Variants in GNL3L observed in about 807,000 individuals in gnomAD.
The protein encoded by GNL3L is G protein nucleolar 3 like, also known as guanine nucleotide-binding protein-like 3-like protein.
In GNL3L, 4 loss-of-function variants were observed where a neutral mutation model predicts 42.9. The observed-to-expected ratio is 0.09, with a 90% CI of 0.05 to 0.21. The LOEUF is 0.21. Ranked by LOEUF, GNL3L falls within the 10% of genes least tolerant of loss-of-function variation. The pLI is 1.00. For synonymous variants in GNL3L, 159 were observed against 176.3 expected (o/e 0.90, Z 0.78); for missense variants, 412 against 481.7 (o/e 0.86, Z 1.36).
At chrX:54,541,709 G>A (rs1263415411) in intron 5 of GNL3L, among the ~76,000 whole-genome samples, 1 of 110,677 alleles carries the variant, frequency 9.0e-6, no homozygotes, top group Non-Finnish European at 1.9e-5. Flanking sequence ...GAGAGGGAGC[G>A]AAAGTATGAG....
At chrX:54,576,601 G>A (rs1408095472) in intron 16 of GNL3L, among the ~76,000 whole-genome samples, 1 of 110,267 alleles carries the variant, frequency 9.1e-6, no homozygotes, top group African/African-American at 3.3e-5. Context: ...TGAGTAGATG[G>A]GATTTCAGGC....
intron 16 of GNL3L, among the ~76,000 whole-genome samples, chrX:54,583,239 C>T (rs996380796): frequency 9.0e-6 from 1 of 110,709 alleles, no homozygotes; most frequent in Non-Finnish European, 1.9e-5. Flanking sequence ...GTTGCCTAAG[C>T]GGGAGTGCAA....
At chrX:54,545,744 A>G (rs1924753823) in intron 8 of GNL3L, among the ~76,000 whole-genome samples, 1 of 112,343 alleles carries the variant, frequency 8.9e-6, no homozygotes, top group Admixed American at 9.5e-5. Flanking sequence ...TTAACTACAG[A>G]TAAAGCTTAA....
At position 54,563,384 on chromosome X, in the gene GNL3L, T is replaced by TGGGAG. The variant is rs763264224; in HGVS notation, c.*2784_*2788dup. On this transcript the variant is annotated 3_prime_UTR_variant, in exon 16 of 16. Coordinates refer to ENST00000360845, the MANE Select transcript of GNL3L (RefSeq NM_001184819.2). ...GACCCCATCGGTAATGGAGAAGTGCTGGGAGGTAAATATTAGAAATGGAAG... is the reference window on the plus strand; with the variant it reads ...GACCCCATCGGTAATGGAGAAGTGCTGGGAGGGGAGGTAAATATTAGAAATGGAAG... Among the ~76,000 whole-genome samples, 10 of 111,153 alleles carry TGGGAG rather than the reference T, an allele frequency of 9.0e-5. No homozygotes were observed. Among genetic ancestry groups the TGGGAG allele is most frequent in the Non-Finnish European group, 1.7e-4 (9 of 53,121 alleles).
the GNL3L span, among the ~76,000 whole-genome samples, chrX:54,627,384 G>A: frequency 1.2e-3 from 129 of 109,823 alleles, 1 homozygote; most frequent in African/African-American, 4.0e-3. Context: ...TATTTATTTG[G>A]GTCTTCTCTC....
chrX:54,573,458 T>C (rs955470335), intron 16 of GNL3L, among the ~76,000 whole-genome samples: 1 of 111,303 alleles, frequency 9.0e-6, no homozygotes, highest in African/African-American at 3.3e-5. Context: ...ATGGCAGCAG[T>C]ATAGTCCAGC....
chrX:54,619,898 A>G (rs1385614865), intron 16 of GNL3L, among the ~76,000 whole-genome samples: 2 of 111,850 alleles, frequency 1.8e-5, no homozygotes, highest in Non-Finnish European at 3.8e-5. Context: ...GCTGTTCACT[A>G]GCAGAAACAT....
intron 16 of GNL3L, among the ~76,000 whole-genome samples, chrX:54,612,198 G>A (rs1427081566): frequency 8.9e-6 from 1 of 112,020 alleles, no homozygotes; most frequent in East Asian, 2.8e-4. Flanking sequence ...TCTTCTAGCT[G>A]CTGTTGCTTT....
At chrX:54,607,456 T>C (rs1926112171) in intron 16 of GNL3L, among the ~76,000 whole-genome samples, 1 of 107,801 alleles carries the variant, frequency 9.3e-6, no homozygotes, top group Non-Finnish European at 1.9e-5. Context: ...TAAAAAGGAC[T>C]CAGAATGCCT....
At chrX:54,543,444 T>A (rs1414049697) in intron 7 of GNL3L, 102 bp downstream of exon 7, 2 of 838,275 alleles carry the variant, frequency 2.4e-6, no homozygotes, top group Non-Finnish European at 3.4e-6. Context: ...GTGATACTCA[T>A]AATAGTCATG....
intron 16 of GNL3L, among the ~76,000 whole-genome samples, chrX:54,607,000 CTTTCTTTCTTTCTTTCTTTCTTTCTTT>C (rs1926073441): frequency 8.4e-5 from 2 of 23,774 alleles, no homozygotes; most frequent in Non-Finnish European, 1.7e-4. Flanking sequence ...CCTTTCCTTT[CTTTCTTTCTTTCTTTCTTTCTTTCTTT>C]CTTTCTTTCT....
intron 16 of GNL3L, among the ~76,000 whole-genome samples, chrX:54,606,992 T>TTTCCTTCC (rs1202124165): frequency 2.8e-4 from 18 of 64,938 alleles, no homozygotes; most frequent in Non-Finnish European, 3.3e-4. Flanking sequence ...TTTCCTTTCC[T>TTTCCTTCC]TTCCTTTCTT....
At chrX:54,535,149 C>T (rs982793127) in intron 2 of GNL3L, among the ~76,000 whole-genome samples, 1 of 111,960 alleles carries the variant, frequency 8.9e-6, no homozygotes, top group African/African-American at 3.2e-5. Flanking sequence ...GATGCAGTCT[C>T]GCCCTGTCAC....
chrX:54,531,404 C>T (rs1470528648), intron 1 of GNL3L, among the ~76,000 whole-genome samples: 1 of 111,224 alleles, frequency 9.0e-6, no homozygotes, highest in East Asian at 2.8e-4. Context: ...CCCCTTTACC[C>T]AAGGTAGTGG....
chrX:54,611,610 G>C (rs1926162159), intron 16 of GNL3L, among the ~76,000 whole-genome samples: 1 of 111,955 alleles, frequency 8.9e-6, no homozygotes, highest in African/African-American at 3.2e-5. Flanking sequence ...TTGACCCAAT[G>C]CTCATTCAGG....
intron 16 of GNL3L, among the ~76,000 whole-genome samples, chrX:54,572,523 C>T (rs1601998431): frequency 8.9e-6 from 1 of 111,998 alleles, no homozygotes; most frequent in Non-Finnish European, 1.9e-5. Flanking sequence ...CTGTTGGGCA[C>T]ACCTCCCAGA....
At chrX:54,607,052 CTT>C (rs1208605385) in intron 16 of GNL3L, among the ~76,000 whole-genome samples, 182 of 55,156 alleles carry the variant, frequency 3.3e-3, no homozygotes, top group Non-Finnish European at 4.5e-3. Flanking sequence ...TTCTTTCTTT[CTT>C]TCTTTCTTTC....
Position 54,551,603 on chromosome X carries a change from G to A in GNL3L, c.899G>A (p.Arg300Gln), listed in dbSNP as rs778008701. 5 of 1,208,911 alleles carry A rather than the reference G, an allele frequency of 4.1e-6. No individual in the cohort carries two copies. The highest frequency in any genetic ancestry group is 1.7e-5 in the African/African-American group (1 of 57,240). ...GAGGTCTACCTGGACAAGTTCATCC[G>A]GCTCTTGGATGCTCCAGGCATTGTC... ...MQEVYLDKFI[R>Q]LLDAPGIVPG... Residue 300 changes from arginine to glutamine, a missense_variant, in exon 11 of 16, where the codon CGG (arginine) becomes CAG (glutamine). By Grantham distance (43) the Arg-to-Gln change is conservative. Transcript: ENST00000360845.
At chrX:54,605,889 A>G (rs1164817542) in intron 16 of GNL3L, among the ~76,000 whole-genome samples, 1 of 111,205 alleles carries the variant, frequency 9.0e-6, no homozygotes, top group Non-Finnish European at 1.9e-5. Context: ...TGGATTCTAT[A>G]CCAATGTCTT....
Sources: gnomAD v4.1 joint callset for allele counts (sites outside exome capture counted in the v4.1 genomes callset) on GRCh38, gnomAD v4.1.1 for gene constraint, MANE v1.5 for transcripts, NCBI Gene and HGNC (gene_info 2026-07-23, HGNC 2026-07-21) for gene names.